MEIOB: variants seen among roughly 807,000 people sequenced by gnomAD.
The protein encoded by MEIOB is meiosis-specific with OB domain-containing protein.
Under a neutral mutation model 53.1 loss-of-function variants are expected in MEIOB, and 50 were observed. That is an observed-to-expected ratio of 0.94 (90% CI 0.75 to 1.19). The LOEUF is 1.19. Among genes scored for constraint, MEIOB ranks in the 50% most tolerant of loss-of-function variants. The pLI is 0.00. For synonymous variants in MEIOB, 192 were observed against 182.5 expected, an observed-to-expected ratio of 1.05 and a Z score of -0.42; for missense variants, 551 against 550.8, an observed-to-expected ratio of 1.00 and a Z score of 0.00.
chr16:1,868,322 T>G lies in MEIOB; in HGVS notation c.-9-138A>C, dbSNP rs1184441353. On this transcript the variant is annotated intron_variant, in intron 1 of 13. Coordinates refer to ENST00000325962, the MANE Select transcript of MEIOB (RefSeq NM_001163560.3). ...CTGTAATCCCAGCACTTTGGGAGGC[T>G]GAAGTGGATGGATCACCTGAGGTCA... The G allele has an allele frequency of 8.9e-6, 4 of 451,646 alleles. No individual in the cohort carries two copies. In the East Asian group the frequency reaches 1.6e-4, roughly 18 times the overall value. 28.0% of individuals were successfully genotyped at this position (451,646 alleles called of 1,614,324 possible).
At chr16:1,858,476 C>G (rs886804011) in intron 5 of MEIOB, among the ~76,000 whole-genome samples, 1 of 152,176 alleles carries the variant, frequency 6.6e-6, no homozygotes, top group Admixed American at 6.5e-5. Context: ...ACCTCCTCCC[C>G]ACTGCTCGGC....
At chr16:1,834,949 C>A (rs1898701415) in intron 13 of MEIOB, among the ~76,000 whole-genome samples, 5 of 142,486 alleles carry the variant, frequency 3.5e-5, no homozygotes, top group Admixed American at 1.4e-4. Flanking sequence ...CACCCCCCCC[C>A]ACTAAAAAAA....
At chr16:1,836,728 C>A (rs536333874) in intron 13 of MEIOB, among the ~76,000 whole-genome samples, 1 of 147,406 alleles carries the variant, frequency 6.8e-6, no homozygotes, top group African/African-American at 2.4e-5. Context: ...AATGCTCCTG[C>A]AGGATGTCCA....
chr16:1,854,071 C>T, intron 7 of MEIOB, 29 bp downstream of exon 7: 2 of 1,335,222 alleles, frequency 1.5e-6, no homozygotes, highest in Non-Finnish European at 2.1e-6. Flanking sequence ...ACAGGGATTT[C>T]ACAGTTTGGA....
At chr16:1,848,544 C>CTTTTTTTTTTTTTTTTTTTTTTTTTTT (rs749481002) in intron 9 of MEIOB, among the ~76,000 whole-genome samples, 2 of 129,742 alleles carry the variant, frequency 1.5e-5, no homozygotes, top group Non-Finnish European at 1.6e-5. Flanking sequence ...TTTTTTTTTC[C>CTTTTTTTTTTTTTTTTTTTTTTTTTTT]TTTTTTTTTT....
At chr16:1,845,923 C>G (rs1899016906) in intron 9 of MEIOB, among the ~76,000 whole-genome samples, 1 of 152,136 alleles carries the variant, frequency 6.6e-6, no homozygotes, top group Non-Finnish European at 1.5e-5. Flanking sequence ...TCTGTACTTC[C>G]TAACTCCCCT....
In MEIOB at chr16:1,839,276, A is replaced by G; in HGVS notation, c.1197T>C (p.Ala399=). The G allele has an allele frequency of 6.2e-7, 1 of 1,612,010 alleles. No individual in the cohort carries two copies. Among genetic ancestry groups the G allele is most frequent in the Non-Finnish European group, 8.5e-7 (1 of 1,179,194 alleles). ...LHSCSLTGSV[A]EETLGCTVHE... is the part of the protein sequence containing the mutation. ...TTACCGTGCAGCCCAAAGTCTCCTC[A>G]GCAACACTTCCTGTGAGACTACAGG... The change falls in exon 12 of 14, where the codon GCT becomes GCC. Residue 399 remains alanine (A), a synonymous_variant. Transcript: ENST00000325962.
At chr16:1,871,272 C>G (rs9935513) in intron 1 of MEIOB, among the ~76,000 whole-genome samples, 1 of 147,818 alleles carries the variant, frequency 6.8e-6, no homozygotes, top group South Asian at 2.2e-4. Context: ...CAGGCTGGAG[C>G]GCAGTGGCGC....
chr16:1,853,190 T>TG (rs751523485), intron 8 of MEIOB, 29 bp downstream of exon 8: 60 of 1,561,954 alleles, frequency 3.8e-5, no homozygotes, highest in Non-Finnish European at 5.1e-5. Context: ...AAATGACAAA[T>TG]ATTGGACACA....
chr16:1,865,955 T>A, intron 2 of MEIOB, 120 bp from the exon 3 acceptor site: 1 of 633,004 alleles, frequency 1.6e-6, no homozygotes, highest in Non-Finnish European at 2.7e-6. Context: ...AGGAACCATT[T>A]AAATGTATTT....
intron 6 of MEIOB, among the ~76,000 whole-genome samples, chr16:1,857,231 A>T (rs1172297390): frequency 6.6e-6 from 1 of 152,112 alleles, no homozygotes; most frequent in African/African-American, 2.4e-5. Flanking sequence ...ACGGAGGGCC[A>T]TCCTCCCGTG....
intron 10 of MEIOB, 82 bp from the exon 11 acceptor site, chr16:1,842,055 A>G (rs113931616): frequency 4.1e-6 from 4 of 968,932 alleles, no homozygotes; most frequent in African/African-American, 3.4e-5. Flanking sequence ...AGCTATGACA[A>G]ATGAGAACAT....
At chr16:1,841,784 A>T in intron 11 of MEIOB, 36 bp downstream of exon 11, 2 of 1,435,896 alleles carry the variant, frequency 1.4e-6, no homozygotes, top group Non-Finnish European at 1.9e-6. Flanking sequence ...TATTTCTTAC[A>T]AAAATGAATT....
chr16:1,837,618 A>C (rs1311181109), intron 13 of MEIOB, 166 bp downstream of exon 13: 2 of 473,080 alleles, frequency 4.2e-6, no homozygotes, highest in Non-Finnish European at 7.6e-6. Flanking sequence ...ATATGAAAAA[A>C]CCCCTGGCTA....
chr16:1,858,068 A>C, intron 5 of MEIOB, 138 bp from the exon 6 acceptor site: 1 of 595,866 alleles, frequency 1.7e-6, no homozygotes, highest in Non-Finnish European at 2.9e-6. Context: ...AGAAACATTG[A>C]ATAATACAGC....
At chr16:1,867,277 C>A (rs984496377) in intron 2 of MEIOB, among the ~76,000 whole-genome samples, 1 of 151,780 alleles carries the variant, frequency 6.6e-6, no homozygotes, top group Non-Finnish European at 1.5e-5. Flanking sequence ...AAGTAACAGT[C>A]GAGATGTGTT....
intron 9 of MEIOB, among the ~76,000 whole-genome samples, chr16:1,848,745 T>C (rs1181497049): frequency 6.6e-6 from 1 of 152,034 alleles, no homozygotes; most frequent in Non-Finnish European, 1.5e-5. Context: ...TATTTCACCA[T>C]GTTGACCGGG....
intron 11 of MEIOB, 83 bp downstream of exon 11, chr16:1,841,737 T>G (rs962734740): frequency 9.2e-7 from 1 of 1,087,840 alleles, no homozygotes; most frequent in African/African-American, 1.6e-5. Context: ...ACAAACAGCT[T>G]TAACTTTTAG....
At chr16:1,863,150 T>G (rs1200326507) in intron 3 of MEIOB, among the ~76,000 whole-genome samples, 1 of 151,892 alleles carries the variant, frequency 6.6e-6, no homozygotes, top group Non-Finnish European at 1.5e-5. Flanking sequence ...TGAGCCCAGT[T>G]TAAGTGTGCG....
Sources: allele counts gnomAD v4.1 joint callset (sites outside exome capture counted in the v4.1 genomes callset), GRCh38; gene constraint gnomAD v4.1.1; transcripts MANE v1.5; gene names NCBI Gene and HGNC (gene_info 2026-07-23, HGNC 2026-07-21).